The following CORO2B variants were observed in gnomAD, a reference collection of about 807,000 sequenced individuals.
CORO2B encodes the protein coronin 2B, also known as coronin-2B.
A neutral mutation model predicts 58.8 loss-of-function variants in CORO2B; 26 were observed. The ratio of observed to expected loss-of-function variants is 0.44; its 90% CI spans 0.32 to 0.61. CORO2B has a LOEUF of 0.61. CORO2B is among the 20% of genes least tolerant of loss of function. The pLI, the probability that CORO2B is intolerant of heterozygous loss-of-function variation, is 0.04. For missense variants in CORO2B, 460 were observed against 645.1 expected (o/e 0.71, Z 3.11); for synonymous variants, 242 against 253.8 (o/e 0.95, Z 0.44).
chr15:68,542,327 C>G, the CORO2B span, among the ~76,000 whole-genome samples: 1 of 152,112 alleles, frequency 6.6e-6, no homozygotes, highest in African/African-American at 2.4e-5. Flanking sequence ...TGTCTTCAAA[C>G]TTCTTTCCCT....
intron 11 of CORO2B, among the ~76,000 whole-genome samples, chr15:68,720,977 G>A (rs1416289186): frequency 6.6e-6 from 1 of 152,142 alleles, no homozygotes; most frequent in East Asian, 1.9e-4. Context: ...ACCTATGCAG[G>A]TTCAAGCGAT....
chr15:68,584,960 TGGGGTG>T (rs1899514579), intron 1 of CORO2B, among the ~76,000 whole-genome samples: 1 of 33,174 alleles, frequency 3.0e-5, no homozygotes, highest in African/African-American at 1.3e-4. Flanking sequence ...GAGGCACAAG[TGGGGTG>T]GGGGTGGGGA....
the CORO2B span, among the ~76,000 whole-genome samples, chr15:68,555,165 A>C: frequency 6.6e-6 from 1 of 152,134 alleles, no homozygotes; most frequent in African/African-American, 2.4e-5. Flanking sequence ...GCACTGAATG[A>C]GGAGGTGTGA....
At chr15:68,567,399 C>A in the CORO2B span, among the ~76,000 whole-genome samples, 5 of 152,160 alleles carry the variant, frequency 3.3e-5, no homozygotes, top group Non-Finnish European at 7.3e-5. Context: ...TGACTAGGGG[C>A]AGTAAATTTC....
intron 2 of CORO2B, among the ~76,000 whole-genome samples, chr15:68,659,500 G>A (rs1187520779): frequency 6.6e-6 from 1 of 152,128 alleles, no homozygotes; most frequent in African/African-American, 2.4e-5. Context: ...ATCACTTGAG[G>A]CCAAGAGTTC....
intron 1 of CORO2B, among the ~76,000 whole-genome samples, 159 bp downstream of exon 1, chr15:68,579,436 CGGCCCCCAA>C (rs946779580): frequency 2.6e-5 from 4 of 152,002 alleles, no homozygotes; most frequent in African/African-American, 9.7e-5. Flanking sequence ...CGAGTCACTC[CGGCCCCCAA>C]GGACTGCGGA....
At chr15:68,656,578 A>C (rs887751136) in intron 2 of CORO2B, among the ~76,000 whole-genome samples, 1 of 151,918 alleles carries the variant, frequency 6.6e-6, no homozygotes, top group African/African-American at 2.4e-5. Context: ...GAACCATCCC[A>C]TTTCCCACTC....
chr15:68,701,978 C>T (rs539104271), intron 3 of CORO2B, among the ~76,000 whole-genome samples: 1 of 152,270 alleles, frequency 6.6e-6, no homozygotes, highest in Non-Finnish European at 1.5e-5. Context: ...CACGGTAGCT[C>T]ACGCCTGTAA....
the CORO2B span, among the ~76,000 whole-genome samples, chr15:68,556,598 T>A: frequency 6.6e-6 from 1 of 152,248 alleles, no homozygotes; most frequent in African/African-American, 2.4e-5. Context: ...GCTTGGTGTG[T>A]GGAGTGGCTG....
the CORO2B span, among the ~76,000 whole-genome samples, chr15:68,570,799 GTTTTTTTTTT>G: frequency 2.5e-5 from 2 of 78,772 alleles, no homozygotes; most frequent in African/African-American, 5.3e-5. Context: ...ACTACACGTA[GTTTTTTTTTT>G]TTTTTTTTTT....
upstream of CORO2B, among the ~76,000 whole-genome samples, chr15:68,574,496 G>C (rs559696624): frequency 6.6e-6 from 1 of 152,264 alleles, no homozygotes; most frequent in East Asian, 1.9e-4. Flanking sequence ...AGTAGCACTC[G>C]GTACAGGGCC....
chr15:68,541,392 C>T, the CORO2B span, among the ~76,000 whole-genome samples: 1 of 152,026 alleles, frequency 6.6e-6, no homozygotes. Context: ...GGATATAGTA[C>T]ATAAATGAGT....
At position 68,710,815 on chromosome 15, in the gene CORO2B, T is replaced by C. The variant is rs1210747668; in HGVS notation, c.417T>C (p.Arg139=). ...ALLELHGHSR[R]VGLVEWHPTT... ...TGGAGCTGCACGGGCACAGCCGGCG[T>C]GTGGGGCTGGTCGAGTGGCACCCCA... Residue 139 remains arginine, a synonymous_variant, in exon 4 of 12, where the codon CGT becomes CGC. Coordinates refer to ENST00000261861, the MANE Select transcript of CORO2B (RefSeq NM_006091.5). The surrounding 1 kb of genome is among the most constrained non-coding windows in gnomAD (Gnocchi z 4.1). 3.1e-6 allele frequency: 5 copies of C among 1,612,212 alleles called. No homozygotes were observed. The highest frequency in any genetic ancestry group is 1.7e-4 in the Middle Eastern group (1 of 6,058).
chr15:68,527,228 T>C, the CORO2B span, among the ~76,000 whole-genome samples: 1 of 152,204 alleles, frequency 6.6e-6, no homozygotes, highest in Admixed American at 6.5e-5. Context: ...ATTTTTTCTT[T>C]TGTGGTTTTT....
intron 1 of CORO2B, among the ~76,000 whole-genome samples, chr15:68,597,623 C>A (rs1225904133): frequency 7.0e-6 from 1 of 143,240 alleles, no homozygotes; most frequent in South Asian, 2.2e-4. Flanking sequence ...TGTTTCCCCC[C>A]CATCAAAAAA....
the CORO2B span, among the ~76,000 whole-genome samples, chr15:68,565,262 A>C: frequency 4.6e-5 from 7 of 151,784 alleles, no homozygotes; most frequent in African/African-American, 1.7e-4. Flanking sequence ...GAAAAACAGT[A>C]ATATAATTAG....
chr15:68,614,338 A>G (rs1900305133), intron 1 of CORO2B, among the ~76,000 whole-genome samples: 1 of 152,232 alleles, frequency 6.6e-6, no homozygotes, highest in African/African-American at 2.4e-5. Flanking sequence ...GTATTATCAC[A>G]TAAAATTGTG....
chr15:68,697,206 A>T (rs1892535304), intron 3 of CORO2B, among the ~76,000 whole-genome samples: 1 of 150,978 alleles, frequency 6.6e-6, no homozygotes, highest in African/African-American at 2.5e-5. Flanking sequence ...GGATGGATGG[A>T]TGGATTGTTG....
chr15:68,565,832 C>T, the CORO2B span, among the ~76,000 whole-genome samples: 1 of 152,260 alleles, frequency 6.6e-6, no homozygotes, highest in Non-Finnish European at 1.5e-5. Flanking sequence ...AGCACCTCAG[C>T]CTTTGCTGAT....
Sources: allele counts gnomAD v4.1 joint callset (sites outside exome capture counted in the v4.1 genomes callset), GRCh38; gene constraint gnomAD v4.1.1; non-coding constraint Gnocchi (gnomAD v3.1); transcripts MANE v1.5; gene names NCBI Gene and HGNC (gene_info 2026-07-23, HGNC 2026-07-21).